The following KCNQ3 variants were observed in gnomAD, a reference collection of about 807,000 sequenced individuals.
The protein encoded by KCNQ3 is potassium voltage-gated channel subfamily KQT member 3.
KCNQ3 carries 30 observed loss-of-function variants against 92.5 expected under a neutral mutation model. The ratio of observed to expected loss-of-function variants is 0.32; its 90% CI spans 0.24 to 0.44. The LOEUF (loss-of-function observed/expected upper bound fraction) is 0.44, where lower values mean the gene tolerates loss of function less well. Ranked by LOEUF, KCNQ3 falls within the 20% of genes least tolerant of loss-of-function variation. The pLI is 1.00. For synonymous variants in KCNQ3, 450 were observed against 468.8 expected, an observed-to-expected ratio of 0.96 and a Z score of 0.52; for missense variants, 913 against 1,140.3, an observed-to-expected ratio of 0.80 and a Z score of 2.87.
At chr8:132,355,534 A>C (rs1818995913) in intron 1 of KCNQ3, among the ~76,000 whole-genome samples, 1 of 152,236 alleles carries the variant, frequency 6.6e-6, no homozygotes, top group African/African-American at 2.4e-5. Context: ...AATTGATGAG[A>C]GTTTAAGAGG....
intron 1 of KCNQ3, among the ~76,000 whole-genome samples, chr8:132,387,871 G>A (rs1302717251): frequency 1.3e-5 from 2 of 151,890 alleles, no homozygotes; most frequent in African/African-American, 2.4e-5. Context: ...ACTTGAACCT[G>A]GGAGGTTGAC....
intron 1 of KCNQ3, among the ~76,000 whole-genome samples, chr8:132,354,848 C>G (rs543908831): frequency 1.8e-3 from 280 of 152,306 alleles, no homozygotes; most frequent in African/African-American, 6.4e-3. Context: ...CCCCAATAAT[C>G]CCTGGTAGCC....
intron 1 of KCNQ3, among the ~76,000 whole-genome samples, chr8:132,364,721 A>G (rs545055936): frequency 4.6e-5 from 7 of 151,460 alleles, no homozygotes; most frequent in South Asian, 2.1e-4. Flanking sequence ...GGATGGATGG[A>G]CGATGAATGG....
intron 1 of KCNQ3, among the ~76,000 whole-genome samples, chr8:132,248,434 C>A (rs1031245833): frequency 9.9e-5 from 15 of 151,944 alleles, no homozygotes; most frequent in African/African-American, 3.1e-4. Context: ...TTCACCACCA[C>A]CACATCTCCA....
chr8:132,450,532 C>G (rs1184201996), intron 1 of KCNQ3, among the ~76,000 whole-genome samples: 1 of 152,204 alleles, frequency 6.6e-6, no homozygotes, highest in Non-Finnish European at 1.5e-5. Context: ...TCCCCCTCCC[C>G]CAGGAAAACA....
intron 1 of KCNQ3, among the ~76,000 whole-genome samples, chr8:132,227,778 C>T (rs1020925963): frequency 5.9e-5 from 9 of 152,132 alleles, no homozygotes; most frequent in African/African-American, 9.7e-5. Context: ...ACCAGTTATA[C>T]GAGTTCAATA....
At chr8:132,400,992 A>G (rs760124012) in intron 1 of KCNQ3, among the ~76,000 whole-genome samples, 66 of 152,348 alleles carry the variant, frequency 4.3e-4, no homozygotes, top group Non-Finnish European at 6.6e-4. Flanking sequence ...GGCCACAGCC[A>G]GCATTCAGGA....
chr8:132,176,244 T>C (rs1191095506), intron 4 of KCNQ3, among the ~76,000 whole-genome samples: 1 of 152,198 alleles, frequency 6.6e-6, no homozygotes, highest in Middle Eastern at 3.2e-3. Context: ...TATCATATAA[T>C]AGACTAGGAC....
chr8:132,248,410 C>A (rs1366301441), intron 1 of KCNQ3, among the ~76,000 whole-genome samples: 1 of 151,122 alleles, frequency 6.6e-6, no homozygotes, highest in East Asian at 1.9e-4. Context: ...ACATAAATAT[C>A]CTATTAAAGT....
intron 1 of KCNQ3, among the ~76,000 whole-genome samples, chr8:132,198,698 T>C (rs1376433699): frequency 2.0e-5 from 3 of 152,016 alleles, no homozygotes; most frequent in African/African-American, 7.2e-5. Context: ...TCCCAGCTAC[T>C]TGGGAGGCTG....
rs551609651 is a variant in KCNQ3, at chr8:132,147,913, G to T, written c.1263-6582C>A. Among the ~76,000 whole-genome samples, 4 of 152,224 alleles carry T rather than the reference G, an allele frequency of 2.6e-5. No individual in the cohort carries two copies. The East Asian group carries it at 5.8e-4, about 22-fold the overall frequency. ...GTGGAAAGGGTGGGGACTAACAAAA[G>T]ATCTGCAGTTCCCTTTAAGAGTACT... is the stretch of plus-strand genomic sequence containing the variant. On this transcript the variant is annotated intron_variant, in intron 9 of 14. Transcript: ENST00000388996.
intron 1 of KCNQ3, among the ~76,000 whole-genome samples, chr8:132,248,378 C>T (rs1039390387): frequency 6.6e-6 from 1 of 150,592 alleles, no homozygotes; most frequent in Admixed American, 6.6e-5. Context: ...TATTCTCTTT[C>T]CAAGTAAGTA....
At chr8:132,233,852 C>T (rs745659287) in intron 1 of KCNQ3, among the ~76,000 whole-genome samples, 13 of 151,246 alleles carry the variant, frequency 8.6e-5, no homozygotes, top group Non-Finnish European at 1.6e-4. Flanking sequence ...GGTGGAGAAG[C>T]GGGCAAAAAA....
chr8:132,148,735 CTTTG>C (rs1464864435), intron 9 of KCNQ3, among the ~76,000 whole-genome samples: 1 of 152,220 alleles, frequency 6.6e-6, no homozygotes, highest in Non-Finnish European at 1.5e-5. Flanking sequence ...AATTCACTCT[CTTTG>C]TTTGAGCTGG....
intron 1 of KCNQ3, among the ~76,000 whole-genome samples, chr8:132,356,898 C>T (rs1819032985): frequency 6.6e-6 from 1 of 152,124 alleles, no homozygotes. Context: ...GAGGCAATTT[C>T]AATATGAGTT....
rs1410308860 is a variant in KCNQ3 at position 132,387,334 on chromosome 8, A to T, written c.386+92813T>A. 2.0e-5 allele frequency among the ~76,000 whole-genome samples: 3 copies of T among 152,232 alleles called. No homozygotes were observed. In the East Asian group the frequency reaches 5.8e-4, roughly 29 times the overall value. ...ATAAAATCACCTTAATAGATATCTA[A>T]CTGGTAATTAATCAAGTTTGATGTC... is the stretch of plus-strand genomic sequence containing the variant. On this transcript the variant is annotated intron_variant, in intron 1 of 14. Coordinates refer to ENST00000388996, the MANE Select transcript of KCNQ3 (RefSeq NM_004519.4).
At chr8:132,475,436 C>A (rs962141097) in intron 1 of KCNQ3, among the ~76,000 whole-genome samples, 1 of 152,110 alleles carries the variant, frequency 6.6e-6, no homozygotes, top group African/African-American at 2.4e-5. Flanking sequence ...ACAATGAAGT[C>A]CAGGCTGAGG....
intron 1 of KCNQ3, among the ~76,000 whole-genome samples, chr8:132,226,554 T>G (rs1204498507): frequency 6.6e-6 from 1 of 152,148 alleles, no homozygotes; most frequent in African/African-American, 2.4e-5. Context: ...AGAGCCAGAA[T>G]GACATAATAT....
intron 8 of KCNQ3, among the ~76,000 whole-genome samples, chr8:132,165,797 C>G (rs1826127074): frequency 1.3e-5 from 2 of 152,336 alleles, no homozygotes; most frequent in Admixed American, 1.3e-4. Flanking sequence ...CGATATTAAG[C>G]AAGCTAATTA....
Sources: gnomAD v4.1 joint callset for allele counts (sites outside exome capture counted in the v4.1 genomes callset) on GRCh38, gnomAD v4.1.1 for gene constraint, MANE v1.5 for transcripts, NCBI Gene and HGNC (gene_info 2026-07-23, HGNC 2026-07-21) for gene names.